LRRC36: variants seen among roughly 807,000 people sequenced by gnomAD.
LRRC36 encodes the protein leucine rich repeat containing 36, also known as leucine-rich repeat-containing protein 36.
Under a neutral mutation model 81.1 loss-of-function variants are expected in LRRC36, and 62 were observed. The observed-to-expected ratio is 0.76, with a 90% confidence interval of 0.62 to 0.94. The LOEUF is 0.94. Among genes scored for constraint, LRRC36 ranks in the 40% least tolerant of loss-of-function variants. The pLI, the probability that LRRC36 is intolerant of heterozygous loss-of-function variation, is 0.00. For missense variants in LRRC36, 761 were observed against 881.7 expected (o/e 0.86, Z 1.73); for synonymous variants, 334 against 348.6 (o/e 0.96, Z 0.47).
intron 13 of LRRC36, among the ~76,000 whole-genome samples, chr16:67,382,675 C>T (rs919053080): frequency 2.0e-5 from 3 of 152,152 alleles, no homozygotes; most frequent in African/African-American, 4.8e-5. Context: ...AGCTCAACAG[C>T]ATCAGTCCTT....
chr16:67,351,882 G>A (rs2038658027), intron 5 of LRRC36, among the ~76,000 whole-genome samples: 1 of 152,158 alleles, frequency 6.6e-6, no homozygotes, highest in South Asian at 2.1e-4. Context: ...AGACTGAAAA[G>A]CATGAAAAAC....
chr16:67,359,349 A>C (rs2039044574), intron 5 of LRRC36, among the ~76,000 whole-genome samples: 1 of 152,242 alleles, frequency 6.6e-6, no homozygotes, highest in African/African-American at 2.4e-5. Context: ...TATTTTGAAA[A>C]CATCAGGCTA....
At chr16:67,359,362 T>C (rs1316471350) in intron 5 of LRRC36, among the ~76,000 whole-genome samples, 2 of 152,170 alleles carry the variant, frequency 1.3e-5, no homozygotes, top group African/African-American at 4.8e-5. Context: ...TCAGGCTAAG[T>C]GAAAGAAGCC....
intron 6 of LRRC36, among the ~76,000 whole-genome samples, chr16:67,364,442 G>C (rs983423158): frequency 1.3e-5 from 2 of 152,288 alleles, no homozygotes; most frequent in African/African-American, 2.4e-5. Context: ...AGCAGCAAAG[G>C]CTCTGATTAA....
At chr16:67,365,817 T>C (rs996316838) in intron 7 of LRRC36, among the ~76,000 whole-genome samples, 7 of 152,206 alleles carry the variant, frequency 4.6e-5, no homozygotes, top group Non-Finnish European at 1.0e-4. Flanking sequence ...TTTCCTGACT[T>C]ATATGTTGTT....
chr16:67,376,075 C>T (rs1054009264), intron 10 of LRRC36, among the ~76,000 whole-genome samples: 17 of 151,948 alleles, frequency 1.1e-4, no homozygotes, highest in African/African-American at 3.1e-4. Context: ...TTTGGGAGGC[C>T]GAGGTGGGTG....
At chr16:67,342,121 A>G (rs2038116761) in intron 2 of LRRC36, 37 bp downstream of exon 2, 1 of 1,451,900 alleles carries the variant, frequency 6.9e-7, no homozygotes, top group Admixed American at 2.1e-5. Flanking sequence ...AGGTCTGCCC[A>G]ATTTATTTTT....
At chr16:67,363,906 C>T (rs1031613867) in intron 6 of LRRC36, among the ~76,000 whole-genome samples, 192 bp downstream of exon 6, 1 of 152,220 alleles carries the variant, frequency 6.6e-6, no homozygotes, top group African/African-American at 2.4e-5. Context: ...ATTTCCCTCT[C>T]TCTCACACTA....
chr16:67,332,215 C>T (rs550193136), intron 1 of LRRC36, among the ~76,000 whole-genome samples: 6 of 152,190 alleles, frequency 3.9e-5, no homozygotes, highest in Middle Eastern at 3.4e-3. Flanking sequence ...GGCATCTATG[C>T]TGTGCAGTGT....
rs926815758 is a variant in LRRC36 at position 67,375,181 on chromosome 16, T to C, written c.1495-66T>C. 30 of 1,519,398 alleles carry C rather than the reference T, an allele frequency of 2.0e-5. No individual in the cohort carries two copies. In the African/African-American group the frequency reaches 4.2e-4, roughly 21 times the overall value. 94.1% of individuals were successfully genotyped at this position (1,519,398 alleles called of 1,614,324 possible). The stretch of plus-strand genomic sequence containing the variant: ...AATGTCTAAATTCTTACTTCCTTTA[T>C]TGTGTAAGAATGACAAATGGTTGGG... On this transcript the variant is annotated intron_variant, in intron 9 of 13. Transcript: ENST00000329956.
chr16:67,382,498 G>C (rs1187354753), intron 13 of LRRC36, among the ~76,000 whole-genome samples: 2 of 152,308 alleles, frequency 1.3e-5, no homozygotes, highest in South Asian at 4.1e-4. Context: ...CACTGGATCT[G>C]ATGGGACCTT....
chr16:67,385,019 C>G lies in LRRC36; in HGVS notation c.2195C>G (p.Pro732Arg), dbSNP rs2040245309. The G allele has an allele frequency of 6.2e-7, 1 of 1,614,078 alleles. No individual in the cohort carries two copies. Among genetic ancestry groups the G allele is most frequent in the African/African-American group, 1.3e-5 (1 of 74,930 alleles). Residue 732 changes from proline to arginine, a missense_variant, in exon 14 of 14, where the codon CCA (proline) becomes CGA (arginine). Pro to Arg is a moderately radical substitution (Grantham distance 103). Around this residue, in one of 3 missense-constraint regions of LRRC36, gnomAD observed 359 missense variants for 388.4 expected, o/e 0.92. Coordinates refer to ENST00000329956, the MANE Select transcript of LRRC36 (RefSeq NM_018296.6). ...FGKSTLSSSS[P>R]VAHETGQYLI... Reference sequence around the variant, plus strand: ...AAAAGCACGTTGTCTTCCTCCTCACCAGTGGCACATGAGACTGGTCAGTAT... The same window carrying G: ...AAAAGCACGTTGTCTTCCTCCTCACGAGTGGCACATGAGACTGGTCAGTAT...
chr16:67,378,756 CTGTT>C, intron 12 of LRRC36, 44 bp downstream of exon 12: 1 of 1,603,180 alleles, frequency 6.2e-7, no homozygotes, highest in African/African-American at 1.3e-5. Flanking sequence ...CTCAAGACAA[CTGTT>C]TGTTTATAGA....
At chr16:67,335,715 G>A (rs556131341) in intron 1 of LRRC36, among the ~76,000 whole-genome samples, 6 of 151,636 alleles carry the variant, frequency 4.0e-5, no homozygotes, top group East Asian at 3.9e-4. Context: ...CTGACTTCCC[G>A]CAACAGACAA....
chr16:67,357,303 C>T (rs917748609), intron 5 of LRRC36, among the ~76,000 whole-genome samples: 18 of 152,234 alleles, frequency 1.2e-4, no homozygotes, highest in African/African-American at 4.3e-4. Context: ...GGAAAAAAAC[C>T]ACCTCACCAA....
chr16:67,353,234 G>C (rs2038739550), intron 5 of LRRC36, among the ~76,000 whole-genome samples: 1 of 152,028 alleles, frequency 6.6e-6, no homozygotes, highest in Non-Finnish European at 1.5e-5. Context: ...GGTTTCATCA[G>C]TATTACCACA....
chr16:67,327,569 C>T (rs1348740867), intron 1 of LRRC36, among the ~76,000 whole-genome samples: 1 of 152,012 alleles, frequency 6.6e-6, no homozygotes, highest in Non-Finnish European at 1.5e-5. Flanking sequence ...ACCTAGTAGG[C>T]AGTTGGATAT....
At chr16:67,371,456 A>G (rs2142131951) in intron 9 of LRRC36, 7 of 587,100 alleles carry the variant, frequency 1.2e-5, no homozygotes, top group South Asian at 1.2e-4. Flanking sequence ...TCTCACCTAT[A>G]TCACAGGGAG....
chr16:67,355,585 G>T (rs560586544), intron 5 of LRRC36, among the ~76,000 whole-genome samples: 1 of 151,600 alleles, frequency 6.6e-6, no homozygotes, highest in South Asian at 2.1e-4. Flanking sequence ...TGTTTTAGCC[G>T]GGATGGTCTC....
Sources: allele counts gnomAD v4.1 joint callset (sites outside exome capture counted in the v4.1 genomes callset), GRCh38; gene constraint gnomAD v4.1.1; regional missense constraint gnomAD v4.1.1; transcripts MANE v1.5; gene names NCBI Gene and HGNC (gene_info 2026-07-23, HGNC 2026-07-21).